The following ROBO1 variants were observed in gnomAD, a reference collection of about 807,000 sequenced individuals.
The protein encoded by ROBO1 is roundabout homolog 1.
ROBO1 carries 149 observed loss-of-function variants against 195.9 expected under a neutral mutation model. The observed-to-expected ratio is 0.76, with a 90% CI of 0.67 to 0.87. ROBO1 has a LOEUF of 0.87. Among genes scored for constraint, ROBO1 ranks in the 40% least tolerant of loss-of-function variants. ROBO1 has a pLI of 0.00. For synonymous variants in ROBO1, 816 were observed against 733.2 expected (o/e 1.11, Z -1.82); for missense variants, 1,933 against 2,068.3 (o/e 0.93, Z 1.27).
At chr3:79,574,443 A>G (rs953250653) in intron 2 of ROBO1, among the ~76,000 whole-genome samples, 1 of 151,868 alleles carries the variant, frequency 6.6e-6, no homozygotes, top group African/African-American at 2.4e-5. Flanking sequence ...AATACTATAA[A>G]ATTTTATTTT....
In ROBO1 at chr3:79,201,669, T is replaced by C. The variant is rs1225334071; in HGVS notation, c.89-76130A>G. ...TCTTCCTGTTTTCTGGATTGTAACA[T>C]TGGACAAATTATGAATAAATCTAGT... On this transcript the variant is annotated intron_variant, in intron 2 of 30. Transcript: ENST00000464233. 3.9e-5 allele frequency among the ~76,000 whole-genome samples: 6 copies of C among 151,908 alleles called. No homozygotes were observed. The South Asian group carries it at 1.2e-3, about 31-fold the overall frequency.
chr3:79,245,099 T>C (rs1035481440), intron 2 of ROBO1, among the ~76,000 whole-genome samples: 14 of 152,108 alleles, frequency 9.2e-5, no homozygotes, highest in African/African-American at 3.4e-4. Context: ...AACTTATATA[T>C]GTTTTATGTG....
intron 3 of ROBO1, among the ~76,000 whole-genome samples, chr3:78,987,073 C>T (rs773382267): frequency 7.3e-5 from 11 of 150,530 alleles, no homozygotes; most frequent in Admixed American, 1.3e-4. Context: ...ATGTTAACCT[C>T]TCCCCCCAAA....
intron 1 of ROBO1, among the ~76,000 whole-genome samples, chr3:79,623,846 A>G (rs975491969): frequency 3.3e-5 from 5 of 152,180 alleles, no homozygotes; most frequent in African/African-American, 9.7e-5. Flanking sequence ...AATACAGAGA[A>G]CACCACTAAG....
intron 3 of ROBO1, chr3:79,018,544 C>T: frequency 6.3e-7 from 1 of 1,587,670 alleles, no homozygotes; most frequent in East Asian, 2.3e-5. Context: ...AAGCCACACA[C>T]CACACACAAA....
At chr3:78,984,850 T>C (rs1407713503) in intron 3 of ROBO1, among the ~76,000 whole-genome samples, 5 of 152,142 alleles carry the variant, frequency 3.3e-5, no homozygotes, top group Admixed American at 3.3e-4. Flanking sequence ...TTAAACAACA[T>C]GAGTTTGAAC....
chr3:79,032,172 G>A (rs1400776128), intron 3 of ROBO1, among the ~76,000 whole-genome samples: 3 of 152,032 alleles, frequency 2.0e-5, no homozygotes, highest in Non-Finnish European at 4.4e-5. Flanking sequence ...AGGAGGTCCA[G>A]ACATTCCCTG....
At chr3:78,656,936 C>T (rs901907517) in intron 18 of ROBO1, among the ~76,000 whole-genome samples, 162 bp downstream of exon 18, 3 of 152,146 alleles carry the variant, frequency 2.0e-5, no homozygotes, top group African/African-American at 4.8e-5. Flanking sequence ...CTCTTTCTCT[C>T]TCCTACATAT....
chr3:79,478,652 C>A (rs1938668145), intron 2 of ROBO1, among the ~76,000 whole-genome samples: 1 of 151,998 alleles, frequency 6.6e-6, no homozygotes, highest in Admixed American at 6.5e-5. Flanking sequence ...ACTCATTTTT[C>A]TTCCCTTCAT....
chr3:78,683,639 A>T (rs1012726760), intron 10 of ROBO1, among the ~76,000 whole-genome samples: 19 of 152,064 alleles, frequency 1.2e-4, no homozygotes. Flanking sequence ...ATCTATGTTT[A>T]TTGGAATTGT....
intron 7 of ROBO1, among the ~76,000 whole-genome samples, chr3:78,716,685 G>A (rs974576226): frequency 1.5e-4 from 23 of 152,276 alleles, no homozygotes; most frequent in African/African-American, 5.5e-4. Flanking sequence ...CCAACACCTA[G>A]ACAGAAGGCT....
intron 26 of ROBO1, among the ~76,000 whole-genome samples, chr3:78,619,165 A>C (rs1258087847): frequency 1.3e-5 from 2 of 152,160 alleles, no homozygotes; most frequent in Non-Finnish European, 2.9e-5. Context: ...GAGGACTTTC[A>C]GATGGAAAGG....
chr3:78,696,715 C>CAT (rs1559756807), intron 8 of ROBO1, among the ~76,000 whole-genome samples: 1 of 144,404 alleles, frequency 6.9e-6, no homozygotes, highest in South Asian at 2.2e-4. Flanking sequence ...TATATATACA[C>CAT]GTATATATAC....
chr3:79,575,309 AT>A (rs1943437628), intron 2 of ROBO1, among the ~76,000 whole-genome samples: 1 of 123,484 alleles, frequency 8.1e-6, no homozygotes, highest in African/African-American at 3.3e-5. Flanking sequence ...ATATATATAA[AT>A]ATATATATAA....
chr3:79,465,603 A>G (rs1937915339), intron 2 of ROBO1, among the ~76,000 whole-genome samples: 1 of 152,156 alleles, frequency 6.6e-6, no homozygotes, highest in South Asian at 2.1e-4. Context: ...CTCATTATTT[A>G]TCAGTAGATT....
intron 5 of ROBO1, among the ~76,000 whole-genome samples, chr3:78,720,066 G>C (rs1450901696): frequency 6.6e-6 from 1 of 152,126 alleles, no homozygotes; most frequent in Non-Finnish European, 1.5e-5. Context: ...GCTCAGAAAA[G>C]TATAACCTCT....
intron 2 of ROBO1, among the ~76,000 whole-genome samples, chr3:79,496,126 T>C (rs1939718470): frequency 1.4e-5 from 2 of 143,360 alleles, no homozygotes; most frequent in South Asian, 2.2e-4. Context: ...GGAGTGAGAA[T>C]ATCTTGAACC....
intron 2 of ROBO1, among the ~76,000 whole-genome samples, chr3:79,410,125 G>A (rs1046140577): frequency 6.6e-6 from 1 of 152,094 alleles, no homozygotes; most frequent in African/African-American, 2.4e-5. Flanking sequence ...ATTATTAACG[G>A]AGTGAATGTT....
intron 2 of ROBO1, among the ~76,000 whole-genome samples, chr3:79,551,876 A>G (rs1303503218): frequency 6.6e-6 from 1 of 151,134 alleles, no homozygotes; most frequent in African/African-American, 2.4e-5. Flanking sequence ...TAAACTGAGC[A>G]TGGTCAGGAA....
Sources: allele counts gnomAD v4.1 joint callset (sites outside exome capture counted in the v4.1 genomes callset), GRCh38; gene constraint gnomAD v4.1.1; transcripts MANE v1.5; gene names NCBI Gene and HGNC (gene_info 2026-07-23, HGNC 2026-07-21).